ADGRV1: variants seen among roughly 807,000 people sequenced by gnomAD.
The protein encoded by ADGRV1 is adhesion G protein-coupled receptor V1.
A neutral mutation model predicts 596.2 loss-of-function variants in ADGRV1; 359 were observed. That is an observed-to-expected ratio of 0.60 (90% CI 0.55 to 0.66). ADGRV1 has a LOEUF of 0.66. Among genes scored for constraint, ADGRV1 ranks in the 30% least tolerant of loss-of-function variants. ADGRV1 has a pLI of 0.00. For missense variants in ADGRV1, 7,274 were observed against 7,575.6 expected (o/e 0.96, Z 1.48); for synonymous variants, 2,681 against 2,679.2 (o/e 1.00, Z -0.02).
chr5:90,999,373 A>C (rs1001413848), intron 85 of ADGRV1, among the ~76,000 whole-genome samples: 52 of 152,076 alleles, frequency 3.4e-4, no homozygotes, highest in African/African-American at 6.3e-4. Flanking sequence ...TTTAACTTTA[A>C]CTCAGGGTTA....
chr5:90,914,661 G>C (rs1157797738), intron 83 of ADGRV1, among the ~76,000 whole-genome samples: 1 of 152,026 alleles, frequency 6.6e-6, no homozygotes, highest in Non-Finnish European at 1.5e-5. Context: ...ATTTCTGATT[G>C]ATTTTTACTT....
At chr5:90,975,085 C>T (rs1298209463) in intron 84 of ADGRV1, among the ~76,000 whole-genome samples, 1 of 151,874 alleles carries the variant, frequency 6.6e-6, no homozygotes, top group Admixed American at 6.6e-5. Flanking sequence ...ATGCAGCCAA[C>T]AGACACATGA....
intron 67 of ADGRV1, among the ~76,000 whole-genome samples, chr5:90,785,605 A>G (rs746953192): frequency 6.6e-6 from 1 of 152,268 alleles, no homozygotes; most frequent in Non-Finnish European, 1.5e-5. Context: ...ATGAGCAGAC[A>G]TTTCTCAAAA....
chr5:91,042,489 C>A (rs1167449682), intron 85 of ADGRV1, among the ~76,000 whole-genome samples: 1 of 152,084 alleles, frequency 6.6e-6, no homozygotes, highest in East Asian at 1.9e-4. Flanking sequence ...ACATTGCAGA[C>A]AGCTATCTTT....
chr5:90,907,953 TA>T (rs1349914068), intron 83 of ADGRV1, among the ~76,000 whole-genome samples: 3 of 152,104 alleles, frequency 2.0e-5, no homozygotes, highest in Non-Finnish European at 4.4e-5. Flanking sequence ...CGGGTTCAAG[TA>T]ATTATCCTGC....
chr5:90,871,550 T>C (rs1768682482), intron 83 of ADGRV1, among the ~76,000 whole-genome samples: 1 of 152,206 alleles, frequency 6.6e-6, no homozygotes, highest in Non-Finnish European at 1.5e-5. Flanking sequence ...TGAATGAGGC[T>C]ACAGTGACAT....
chr5:90,913,503 G>T (rs1313573484), intron 83 of ADGRV1, among the ~76,000 whole-genome samples: 4 of 152,136 alleles, frequency 2.6e-5, no homozygotes, highest in Non-Finnish European at 4.4e-5. Context: ...AATAGTTTTA[G>T]ATTTAATGAT....
chr5:90,978,295 A>AAAAT (rs10529732), intron 84 of ADGRV1, among the ~76,000 whole-genome samples: 26,721 of 148,402 alleles, frequency 0.18, 2,633 homozygotes, highest in African/African-American at 0.26. Flanking sequence ...ACTTCATCTC[A>AAAAT]AAATAAATAA....
At chr5:91,029,234 A>G (rs766282159) in intron 85 of ADGRV1, among the ~76,000 whole-genome samples, 5 of 152,220 alleles carry the variant, frequency 3.3e-5, no homozygotes, top group African/African-American at 9.6e-5. Flanking sequence ...ATTTATGCAG[A>G]TGTACCTATC....
chr5:90,731,670 T>C (rs16869067), intron 50 of ADGRV1, among the ~76,000 whole-genome samples: 1,622 of 152,224 alleles, frequency 0.011, 23 homozygotes, highest in African/African-American at 0.037. Context: ...GGTGCTGAGA[T>C]TGGAGATACA....
chr5:91,117,264 A>G (rs1792929507), intron 87 of ADGRV1, among the ~76,000 whole-genome samples: 2 of 152,202 alleles, frequency 1.3e-5, no homozygotes, highest in Non-Finnish European at 2.9e-5. Flanking sequence ...AACCAATATC[A>G]TAACACTGGA....
intron 21 of ADGRV1, among the ~76,000 whole-genome samples, chr5:90,665,593 T>A (rs1289626088): frequency 6.6e-6 from 1 of 150,896 alleles, no homozygotes; most frequent in Non-Finnish European, 1.5e-5. Flanking sequence ...TTTTGAAGGG[T>A]TTTTTGTGTC....
chr5:91,057,806 A>G (rs182426208), intron 85 of ADGRV1, among the ~76,000 whole-genome samples: 4 of 152,200 alleles, frequency 2.6e-5, no homozygotes, highest in Admixed American at 1.3e-4. Flanking sequence ...TAACGGAATT[A>G]GTTGTATTAT....
chr5:90,893,056 G>T (rs1010251101), intron 83 of ADGRV1, among the ~76,000 whole-genome samples: 1 of 152,210 alleles, frequency 6.6e-6, no homozygotes, highest in Admixed American at 6.5e-5. Context: ...AATTTCTGAC[G>T]GTTGGGTATC....
chr5:90,690,051 C>A lies in ADGRV1; in HGVS notation c.6681C>A (p.Ala2227=). 6.3e-7 allele frequency: 1 copy of A among 1,575,696 alleles called. No homozygotes were observed. Among genetic ancestry groups the A allele is most frequent in the Non-Finnish European group, 8.6e-7 (1 of 1,157,086 alleles). The change falls in exon 30 of 90, where the codon GCC becomes GCA. Residue 2227 remains alanine, a synonymous_variant. Transcript: ENST00000405460. The stretch of plus-strand genomic sequence containing the variant: ...CAGAGGCAGTCATTATTATTGAGGC[C>A]TCTGATGACCCCTATGGATTATTTG... ...ALTEAVIIIE[A]SDDPYGLFGF... is the part of the protein sequence containing the mutation.
chr5:90,638,825 T>C (rs1766593728), intron 11 of ADGRV1, among the ~76,000 whole-genome samples: 1 of 152,174 alleles, frequency 6.6e-6, no homozygotes, highest in South Asian at 2.1e-4. Context: ...TATAACAGTG[T>C]CTTATAGATT....
In ADGRV1 at chr5:91,072,957, C is replaced by A. The variant is rs77108062; in HGVS notation, c.18310+353C>A. Among the ~76,000 whole-genome samples the A allele has an allele frequency of 2.3e-4, 35 of 152,328 alleles. No homozygotes were observed. In the East Asian group the frequency reaches 5.6e-3, roughly 24 times the overall value. ...TCATTTCTCTCCGATTCTGAGACTTCTGCACAGTTTAACAAACCTCCGCAG... is the reference window on the plus strand; with the variant it reads ...TCATTTCTCTCCGATTCTGAGACTTATGCACAGTTTAACAAACCTCCGCAG... On this transcript the variant is annotated intron_variant, in intron 86 of 89. Coordinates refer to ENST00000405460, the MANE Select transcript of ADGRV1 (RefSeq NM_032119.4).
In ADGRV1 at chr5:91,035,866, T is replaced by C. The variant is rs945383844; in HGVS notation, c.18153-36581T>C. ...TGTGTATATATATATATATATTATA[T>C]ATATATATATATATATCTTACAACA... On this transcript the variant is annotated intron_variant, in intron 85 of 89. Coordinates refer to ENST00000405460, the MANE Select transcript of ADGRV1 (RefSeq NM_032119.4). Among the ~76,000 whole-genome samples the C allele has an allele frequency of 2.1e-4, 27 of 126,222 alleles. 2 individuals carry two copies. Among genetic ancestry groups the C allele is most frequent in the African/African-American group, 7.9e-4 (27 of 34,056 alleles). The allele number at this position is 126,222 out of a possible 152,430, so 82.8% of individuals were successfully genotyped here. A position where few individuals can be genotyped will look rare whatever the true frequency, so the allele number is the denominator to read the frequency against.
chr5:91,160,800 C>G (rs888905216), intron 89 of ADGRV1, among the ~76,000 whole-genome samples: 1 of 152,134 alleles, frequency 6.6e-6, no homozygotes, highest in African/African-American at 2.4e-5. Context: ...TATGCCTTTT[C>G]TGAGTCTCAG....
Sources: gnomAD v4.1 joint callset for allele counts (sites outside exome capture counted in the v4.1 genomes callset) on GRCh38, gnomAD v4.1.1 for gene constraint, MANE v1.5 for transcripts, NCBI Gene and HGNC (gene_info 2026-07-23, HGNC 2026-07-21) for gene names.